CTBP1: variants seen among roughly 807,000 people sequenced by gnomAD.
The protein encoded by CTBP1 is C-terminal-binding protein 1.
Under a neutral mutation model 42.1 loss-of-function variants are expected in CTBP1, and 11 were observed. The ratio of observed to expected loss-of-function variants is 0.26; its 90% confidence interval spans 0.16 to 0.43. The LOEUF is 0.43. Among genes scored for constraint, CTBP1 ranks in the 20% least tolerant of loss-of-function variants. CTBP1 has a pLI of 1.00. For synonymous variants in CTBP1, 324 were observed against 277.1 expected, an observed-to-expected ratio of 1.17 and a Z score of -1.68; for missense variants, 399 against 624.3, an observed-to-expected ratio of 0.64 and a Z score of 3.85.
At position 1,245,273 on chromosome 4, in the gene CTBP1, G is replaced by C. The variant is rs544292542; in HGVS notation, c.-189+3643C>G. ...GGGCTGTGATCAAAGGCATGGATTT[G>C]CCAGCAAGATTCCTCTCCAGGACAT... is the stretch of plus-strand genomic sequence containing the variant. On this transcript the variant is annotated intron_variant, in intron 1 of 9. Coordinates refer to ENST00000382952, the MANE Select transcript of CTBP1 (RefSeq NM_001012614.2). The C allele has an allele frequency of 6.1e-6, 6 of 985,436 alleles. No homozygotes were observed. The South Asian group carries it at 2.8e-4, about 46-fold the overall frequency. The allele number at this position is 985,436 out of a possible 1,614,324, so 61.0% of individuals were successfully genotyped here.
chr4:1,220,260 C>T (rs1247243548), intron 5 of CTBP1, among the ~76,000 whole-genome samples: 1 of 148,732 alleles, frequency 6.7e-6, no homozygotes, highest in African/African-American at 2.5e-5. Context: ...CACTGTACTC[C>T]AGCCTGGGCG....
At position 1,225,350 on chromosome 4, in the gene CTBP1, G is replaced by T. The variant is rs773854226; in HGVS notation, c.514+10C>A. ...GGAGGGACACAGGCGTGGAGCTGCG[G>T]CCGACGCACCAAGTCCGATGATGCC... On this transcript the variant is annotated intron_variant, in intron 5 of 9. Transcript: ENST00000382952. The T allele has an allele frequency of 6.5e-7, 1 of 1,542,536 alleles. No individual in the cohort carries two copies. Among genetic ancestry groups the T allele is most frequent in the Non-Finnish European group, 8.7e-7 (1 of 1,148,968 alleles).
At chr4:1,228,134 G>C in intron 4 of CTBP1, 65 bp downstream of exon 4, 1 of 1,586,634 alleles carries the variant, frequency 6.3e-7, no homozygotes, top group Non-Finnish European at 8.6e-7. Flanking sequence ...AAGCCTCCAT[G>C]GACGAAGCAA....
intron 5 of CTBP1, among the ~76,000 whole-genome samples, chr4:1,222,020 T>C (rs763940036): frequency 3.3e-5 from 5 of 152,066 alleles, no homozygotes; most frequent in Non-Finnish European, 7.4e-5. Flanking sequence ...GCTTCCACAT[T>C]CCTGTAGCCA....
chr4:1,237,782 G>A lies in CTBP1; in HGVS notation c.162+401C>T, dbSNP rs552147686. 9.3e-4 allele frequency: 633 copies of A among 679,800 alleles called. 8 individuals carry two copies. In the East Asian group the frequency reaches 0.017, roughly 18 times the overall value. 42.1% of individuals were successfully genotyped at this position (679,800 alleles called of 1,614,324 possible). Reference sequence around the variant, plus strand: ...CCTGATGGGGCTCAGGACAAACCCCGTGTCCACCTCCTGATGGGGCACAGG... The same window carrying A: ...CCTGATGGGGCTCAGGACAAACCCCATGTCCACCTCCTGATGGGGCACAGG... On this transcript the variant is annotated intron_variant, in intron 3 of 9. Coordinates refer to ENST00000382952, the MANE Select transcript of CTBP1 (RefSeq NM_001012614.2).
intron 3 of CTBP1, chr4:1,231,156 CTT>C (rs1276872855): frequency 2.0e-5 from 3 of 152,304 alleles, no homozygotes; most frequent in African/African-American, 7.2e-5. Flanking sequence ...AGCATGTGCG[CTT>C]TACCACGTGG....
At chr4:1,244,711 T>A (rs1732540473) in intron 1 of CTBP1, 1 of 985,018 alleles carries the variant, frequency 1.0e-6, no homozygotes, top group African/African-American at 1.7e-5. Context: ...CCCTGCCCTG[T>A]CCCCATAAGC....
At chr4:1,221,889 A>T (rs376638540) in intron 5 of CTBP1, 1 of 396,052 alleles carries the variant, frequency 2.5e-6, no homozygotes, top group African/African-American at 2.1e-5. Flanking sequence ...AGGAGGGAGG[A>T]AAGAAAGAAA....
intron 1 of CTBP1, chr4:1,248,539 G>A: frequency 5.8e-6 from 2 of 344,984 alleles, no homozygotes; most frequent in Non-Finnish European, 8.2e-6. Flanking sequence ...GTCATGACCG[G>A]GGACGGGGTA....
At chr4:1,225,228 G>A (rs1730200360) in intron 5 of CTBP1, 132 bp downstream of exon 5, 2 of 1,100,320 alleles carry the variant, frequency 1.8e-6, no homozygotes, top group South Asian at 1.6e-5. Context: ...TGCGCACTCA[G>A]TCCTGTCCTG....
Position 1,248,994 on chromosome 4 carries a change from C to G in CTBP1, c.-267G>C, listed in dbSNP as rs917203654. On this transcript the variant is annotated 5_prime_UTR_variant, in exon 1 of 10. Transcript: ENST00000382952. ...CGGCCGCGGGCCCCGACCACTCCGG[C>G]GCGCTGCGCCGCCGCGAGCCCGGCG... 1.0e-6 allele frequency: 1 copy of G among 959,908 alleles called. No homozygotes were observed. The allele number at this position is 959,908 out of a possible 1,614,324, so 59.5% of individuals were successfully genotyped here.
At chr4:1,248,705 A>G (rs1357298329) in intron 1 of CTBP1, 5 of 980,332 alleles carry the variant, frequency 5.1e-6, no homozygotes, top group Non-Finnish European at 6.0e-6. Flanking sequence ...GCGCTCGCGC[A>G]CACGCAGCGG....
intron 5 of CTBP1, among the ~76,000 whole-genome samples, chr4:1,222,361 A>T (rs1460046750): frequency 6.7e-6 from 1 of 149,356 alleles, no homozygotes; most frequent in African/African-American, 2.4e-5. Context: ...CCCGAGGCCG[A>T]GGGAGCGCTG....
intron 3 of CTBP1, among the ~76,000 whole-genome samples, chr4:1,229,228 G>T (rs1291736011): frequency 6.6e-6 from 1 of 152,192 alleles, no homozygotes; most frequent in African/African-American, 2.4e-5. Flanking sequence ...CTAGGCCGAA[G>T]AACCAGGTGC....
At chr4:1,239,698 G>A (rs1193630270) in intron 2 of CTBP1, among the ~76,000 whole-genome samples, 1 of 152,234 alleles carries the variant, frequency 6.6e-6, no homozygotes, top group Non-Finnish European at 1.5e-5. Flanking sequence ...CCCCAAAGCC[G>A]AGGGCTCCCA....
chr4:1,242,198 G>C, intron 1 of CTBP1: 1 of 985,446 alleles, frequency 1.0e-6, no homozygotes, highest in Non-Finnish European at 1.2e-6. Flanking sequence ...ACAGGGGCAG[G>C]GGGCCCCTGA....
In CTBP1 at chr4:1,238,650, C is replaced by A. The variant is rs1468882032; in HGVS notation, c.8-313G>T. ...CCCCTCCGAGATCCTCCCAGACCCT[C>A]TGAGACCCTCTCACACCCTCCAAGA... is the stretch of plus-strand genomic sequence containing the variant. On this transcript the variant is annotated intron_variant, in intron 2 of 9. Transcript: ENST00000382952. The surrounding 1 kb of genome is among the most constrained non-coding windows in gnomAD (Gnocchi z 5.9). 6.6e-6 allele frequency among the ~76,000 whole-genome samples: 1 copy of A among 150,988 alleles called. No homozygotes were observed. Among genetic ancestry groups the A allele is most frequent in the Non-Finnish European group, 1.5e-5 (1 of 67,732 alleles).
At chr4:1,243,075 T>C (rs953511481) in intron 1 of CTBP1, 2 of 985,242 alleles carry the variant, frequency 2.0e-6, no homozygotes, top group Non-Finnish European at 2.4e-6. Flanking sequence ...TTGATACCAG[T>C]CAATACTCAT....
chr4:1,213,017 G>A lies in CTBP1; in HGVS notation c.1002C>T (p.Asp334=), dbSNP rs1369976635. 5 of 1,613,882 alleles carry A rather than the reference G, an allele frequency of 3.1e-6. No homozygotes were observed. The highest frequency in any genetic ancestry group is 3.3e-5 in the Admixed American group (2 of 60,018). ...IRRAITGRIP[D]SLKNCVNKDH... ...CCTTGTTGACACAGTTCTTCAGGCT[G>A]TCTGGGATCCGGCCTGGGAGATGCA... Residue 334 remains aspartate, a synonymous_variant, in exon 9 of 10, where the codon GAC becomes GAT. Transcript: ENST00000382952.
Sources: allele counts gnomAD v4.1 joint callset (sites outside exome capture counted in the v4.1 genomes callset), GRCh38; gene constraint gnomAD v4.1.1; non-coding constraint Gnocchi (gnomAD v3.1); transcripts MANE v1.5; gene names NCBI Gene and HGNC (gene_info 2026-07-23, HGNC 2026-07-21).